CAMKMT: variants seen among roughly 807,000 people sequenced by gnomAD.
CAMKMT encodes the protein calmodulin-lysine N-methyltransferase.
Under a neutral mutation model 48.0 loss-of-function variants are expected in CAMKMT, and 53 were observed. That is an observed-to-expected ratio of 1.10 (90% CI 0.89 to 1.39). CAMKMT has a LOEUF of 1.39. Among genes scored for constraint, CAMKMT ranks in the 40% most tolerant of loss-of-function variants. The pLI is 0.00. For missense variants in CAMKMT, 428 were observed against 402.7 expected (o/e 1.06, Z -0.54); for synonymous variants, 165 against 152.3 (o/e 1.08, Z -0.61).
intron 3 of CAMKMT, among the ~76,000 whole-genome samples, chr2:44,654,198 T>C (rs1389777936): frequency 6.6e-6 from 1 of 152,160 alleles, no homozygotes; most frequent in Admixed American, 6.5e-5. Context: ...ATCTCAAACA[T>C]CAGATAACAT....
chr2:44,571,532 G>C (rs1025990877), intron 3 of CAMKMT, among the ~76,000 whole-genome samples: 12 of 152,158 alleles, frequency 7.9e-5, no homozygotes, highest in Non-Finnish European at 4.4e-5. Flanking sequence ...TAGCAATCCT[G>C]TGTATTCTCT....
At chr2:44,692,504 T>G (rs1676717614) in intron 3 of CAMKMT, among the ~76,000 whole-genome samples, 1 of 152,254 alleles carries the variant, frequency 6.6e-6, no homozygotes, top group African/African-American at 2.4e-5. Flanking sequence ...ATGATCTTAC[T>G]TGTGTCTATT....
chr2:44,433,364 T>C (rs1274666492), intron 3 of CAMKMT, among the ~76,000 whole-genome samples: 1 of 152,190 alleles, frequency 6.6e-6, no homozygotes, highest in Non-Finnish European at 1.5e-5. Context: ...ATACATATCG[T>C]GGAACTTTTA....
intron 3 of CAMKMT, among the ~76,000 whole-genome samples, chr2:44,646,172 C>T (rs936166986): frequency 6.6e-6 from 1 of 152,036 alleles, no homozygotes; most frequent in Admixed American, 6.5e-5. Context: ...TCACTGGAGG[C>T]ATCAAGGCAA....
chr2:44,620,718 C>A (rs569439540), intron 3 of CAMKMT, among the ~76,000 whole-genome samples: 1 of 152,302 alleles, frequency 6.6e-6, no homozygotes, highest in South Asian at 2.1e-4. Context: ...ATTTATTTAT[C>A]TTTAATTCCT....
chr2:44,557,594 C>T (rs1412530431), intron 3 of CAMKMT, among the ~76,000 whole-genome samples: 2 of 152,072 alleles, frequency 1.3e-5, no homozygotes, highest in Non-Finnish European at 2.9e-5. Flanking sequence ...TTTCCTTCCT[C>T]CCTTCTTCTA....
At chr2:44,419,893 G>A (rs946095034) in intron 3 of CAMKMT, among the ~76,000 whole-genome samples, 14 of 152,062 alleles carry the variant, frequency 9.2e-5, no homozygotes, top group Admixed American at 7.9e-4. Context: ...TTTTTCTTCT[G>A]TGGTTGCTAA....
At chr2:44,446,074 A>C (rs1002988720) in intron 3 of CAMKMT, among the ~76,000 whole-genome samples, 3 of 151,624 alleles carry the variant, frequency 2.0e-5, no homozygotes, top group Admixed American at 2.0e-4. Context: ...TCGCTAGAGA[A>C]CCTCTGGGAC....
chr2:44,596,602 T>G (rs1670683115), intron 3 of CAMKMT, among the ~76,000 whole-genome samples: 1 of 152,152 alleles, frequency 6.6e-6, no homozygotes. Context: ...AACCACTGAT[T>G]TGATCAAATG....
intron 3 of CAMKMT, among the ~76,000 whole-genome samples, chr2:44,674,267 G>T (rs1161237360): frequency 1.3e-5 from 2 of 152,190 alleles, no homozygotes; most frequent in African/African-American, 4.8e-5. Flanking sequence ...GCAAACCCCT[G>T]TGATTTATAC....
At chr2:44,592,754 AAGGGAGGACT>A (rs1670377187) in intron 3 of CAMKMT, among the ~76,000 whole-genome samples, 1 of 152,282 alleles carries the variant, frequency 6.6e-6, no homozygotes, top group East Asian at 1.9e-4. Flanking sequence ...CCCCAAGGAT[AAGGGAGGACT>A]ACTGTACTTT....
chr2:44,727,672 C>T (rs1342744457), intron 7 of CAMKMT, among the ~76,000 whole-genome samples: 1 of 152,138 alleles, frequency 6.6e-6, no homozygotes, highest in Admixed American at 6.6e-5. Flanking sequence ...GACTGGGAAT[C>T]CTTGTCTTGT....
intron 3 of CAMKMT, among the ~76,000 whole-genome samples, chr2:44,451,260 G>A (rs1018778676): frequency 1.3e-5 from 2 of 152,010 alleles, no homozygotes; most frequent in African/African-American, 4.8e-5. Flanking sequence ...GAGGTTTGAA[G>A]TAGAATAGTT....
intron 3 of CAMKMT, among the ~76,000 whole-genome samples, chr2:44,569,209 C>T (rs1668777414): frequency 6.6e-6 from 1 of 152,160 alleles, no homozygotes. Flanking sequence ...AATATCATCT[C>T]ACTTCTTCAA....
chr2:44,669,664 G>T (rs1573035156), intron 3 of CAMKMT, among the ~76,000 whole-genome samples: 1 of 151,942 alleles, frequency 6.6e-6, no homozygotes, highest in South Asian at 2.1e-4. Flanking sequence ...TTCAGACAGG[G>T]TCTCGCTCTG....
chr2:44,578,500 G>A (rs922992011), intron 3 of CAMKMT, among the ~76,000 whole-genome samples: 1 of 152,028 alleles, frequency 6.6e-6, no homozygotes, highest in African/African-American at 2.4e-5. Context: ...TGTTACTGAG[G>A]TATTTTTAAG....
intron 3 of CAMKMT, among the ~76,000 whole-genome samples, chr2:44,610,774 T>C (rs934524136): frequency 1.1e-4 from 17 of 152,168 alleles, no homozygotes; most frequent in African/African-American, 2.4e-5. Flanking sequence ...TCCTGAAAAA[T>C]ACTTATATTT....
chr2:44,761,643 G>A (rs1237420327), intron 9 of CAMKMT, among the ~76,000 whole-genome samples: 3 of 152,184 alleles, frequency 2.0e-5, no homozygotes, highest in African/African-American at 7.2e-5. Flanking sequence ...CCTGCAGTAA[G>A]TGACAGTGAT....
intron 3 of CAMKMT, among the ~76,000 whole-genome samples, chr2:44,663,874 A>G (rs973009748): frequency 6.6e-6 from 1 of 152,150 alleles, no homozygotes; most frequent in African/African-American, 2.4e-5. Flanking sequence ...GCCTTTTAAC[A>G]CTTACATTCT....
Sources: gnomAD v4.1 joint callset for allele counts (sites outside exome capture counted in the v4.1 genomes callset) on GRCh38, gnomAD v4.1.1 for gene constraint, MANE v1.5 for transcripts, NCBI Gene and HGNC (gene_info 2026-07-23, HGNC 2026-07-21) for gene names.